The following GDI2 variants were observed in gnomAD, a reference collection of about 807,000 sequenced individuals.
The protein encoded by GDI2 is GDP dissociation inhibitor 2.
GDI2 carries 22 observed loss-of-function variants against 54.2 expected under a neutral mutation model. The observed-to-expected ratio is 0.41, with a 90% CI of 0.29 to 0.58. GDI2 has a LOEUF of 0.58. Ranked by LOEUF, GDI2 falls within the 20% of genes least tolerant of loss-of-function variation. The pLI, the probability that GDI2 is intolerant of heterozygous loss-of-function variation, is 0.35. For synonymous variants in GDI2, 177 were observed against 182.1 expected, an observed-to-expected ratio of 0.97 and a Z score of 0.23; for missense variants, 422 against 546.0, an observed-to-expected ratio of 0.77 and a Z score of 2.26.
intron 6 of GDI2, among the ~76,000 whole-genome samples, chr10:5,782,004 C>T (rs1454229396): frequency 6.6e-6 from 1 of 152,058 alleles, no homozygotes; most frequent in African/African-American, 2.4e-5. Context: ...CAGAGCAAGA[C>T]TCTATCTCAA....
intron 1 of GDI2, chr10:5,811,932 TAA>T (rs764247676): frequency 1.8e-6 from 2 of 1,117,288 alleles, no homozygotes; most frequent in South Asian, 2.9e-5. Flanking sequence ...TAGAGACATC[TAA>T]AAGTGTTATT....
intron 6 of GDI2, among the ~76,000 whole-genome samples, chr10:5,775,116 T>C (rs932295173): frequency 2.0e-5 from 3 of 152,176 alleles, no homozygotes; most frequent in Admixed American, 6.6e-5. Context: ...GCTGAAACCC[T>C]GTTTCTACAA....
chr10:5,789,761 C>A (rs1840969131), intron 4 of GDI2, among the ~76,000 whole-genome samples: 1 of 152,156 alleles, frequency 6.6e-6, no homozygotes, highest in Non-Finnish European at 1.5e-5. Context: ...AACTTAGGCA[C>A]ACAAACACAG....
At chr10:5,793,089 G>A (rs1450030664) in intron 4 of GDI2, among the ~76,000 whole-genome samples, 2 of 152,162 alleles carry the variant, frequency 1.3e-5, no homozygotes, top group African/African-American at 2.4e-5. Flanking sequence ...TGATTTCCTG[G>A]ACTCAAGCGA....
intron 1 of GDI2, among the ~76,000 whole-genome samples, chr10:5,812,206 A>T (rs116353105): frequency 0.33 from 44,472 of 133,858 alleles, 7,251 homozygotes; most frequent in Non-Finnish European, 0.38. Flanking sequence ...TGAACATTTA[A>T]AAAAAAAAAA....
At chr10:5,785,315 T>C in intron 5 of GDI2, 42 bp from the exon 6 acceptor site, 3 of 1,393,392 alleles carry the variant, frequency 2.2e-6, no homozygotes, top group Non-Finnish European at 3.0e-6. Context: ...GCTTTAGTTT[T>C]CATTCATGGT....
chr10:5,799,453 A>G (rs1588985471), intron 2 of GDI2, among the ~76,000 whole-genome samples: 1 of 152,138 alleles, frequency 6.6e-6, no homozygotes, highest in Non-Finnish European at 1.5e-5. Context: ...GGGGTTCCAG[A>G]CCAGCCTGGC....
chr10:5,785,576 A>G lies in GDI2; in HGVS notation c.587+276T>C, dbSNP rs1449083794. ...TTTTTAGTAGAGAGGGGGTTTCACCATGTTGGCCAGGCTGGTCTTGAACTC... is the reference window on the plus strand; with the variant it reads ...TTTTTAGTAGAGAGGGGGTTTCACCGTGTTGGCCAGGCTGGTCTTGAACTC... On this transcript the variant is annotated intron_variant, in intron 5 of 10. Transcript: ENST00000380191. 5.9e-5 allele frequency among the ~76,000 whole-genome samples: 9 copies of G among 152,090 alleles called. No individual in the cohort carries two copies. The East Asian group carries it at 1.4e-3, about 23-fold the overall frequency.
intron 4 of GDI2, among the ~76,000 whole-genome samples, chr10:5,792,904 A>G (rs1286514630): frequency 1.3e-5 from 2 of 151,368 alleles, no homozygotes; most frequent in African/African-American, 2.4e-5. Flanking sequence ...AAGCTTTAAT[A>G]TAAGTAAGAG....
chr10:5,782,235 CAT>C (rs1491100530), intron 6 of GDI2, among the ~76,000 whole-genome samples: 4 of 152,116 alleles, frequency 2.6e-5, no homozygotes, highest in Non-Finnish European at 4.4e-5. Flanking sequence ...AGGTGAGCAA[CAT>C]GAGTCAAGAA....
chr10:5,770,963 CA>C (rs59686031), intron 7 of GDI2, among the ~76,000 whole-genome samples: 10,824 of 46,372 alleles, frequency 0.23, 90 homozygotes, highest in Non-Finnish European at 0.26. Context: ...GAGACTGTCT[CA>C]AAAAAAAAAA....
At position 5,776,308 on chromosome 10, in the gene GDI2, G is replaced by A; in HGVS notation, c.720-2367C>T. On this transcript the variant is annotated intron_variant, in intron 6 of 10. Transcript: ENST00000380191. This position sits in a 1 kb window ranked among gnomAD's most constrained non-coding sequence, Gnocchi z 5.3. ...AGACTGAAAGCCCAGCAGAACATAG[G>A]ATGTAGCTGCCCATCTCACAAACCC... is the stretch of plus-strand genomic sequence containing the variant. 1 of 599,844 alleles carries A rather than the reference G, an allele frequency of 1.7e-6. No individual in the cohort carries two copies. 37.2% of individuals were successfully genotyped at this position (599,844 alleles called of 1,614,324 possible). A position where few individuals can be genotyped will look rare whatever the true frequency, so the allele number is the denominator to read the frequency against.
At chr10:5,799,292 G>C (rs182018462) in intron 2 of GDI2, among the ~76,000 whole-genome samples, 2 of 152,206 alleles carry the variant, frequency 1.3e-5, no homozygotes. Flanking sequence ...AGCTACGATC[G>C]CACTGCTGCA....
intron 3 of GDI2, among the ~76,000 whole-genome samples, chr10:5,796,126 G>A (rs1174676818): frequency 6.6e-6 from 1 of 151,958 alleles, no homozygotes; most frequent in Non-Finnish European, 1.5e-5. Flanking sequence ...GAGGCGAGCA[G>A]GTCACTTGAT....
At chr10:5,784,899 T>C (rs546207961) in intron 6 of GDI2, among the ~76,000 whole-genome samples, 17 of 152,354 alleles carry the variant, frequency 1.1e-4, no homozygotes, top group African/African-American at 4.1e-4. Flanking sequence ...GGTTTTGTAT[T>C]GGCTGGCCTC....
chr10:5,768,398 T>C lies in GDI2; in HGVS notation c.820-14A>G. 2 of 1,578,394 alleles carry C rather than the reference T, an allele frequency of 1.3e-6. No homozygotes were observed. Among genetic ancestry groups the C allele is most frequent in the South Asian group, 1.1e-5 (1 of 90,282 alleles). ...ACAGCGAGCAATCTATAACAAAGCA[T>C]TTAAGAAGACACTGAAGCGGACAAG... On this transcript the variant is annotated splice_polypyrimidine_tract_variant and intron_variant, in intron 7 of 10. Coordinates refer to ENST00000380191, the MANE Select transcript of GDI2 (RefSeq NM_001494.4). The surrounding 1 kb of genome is among the most constrained non-coding windows in gnomAD (Gnocchi z 4.4).
Position 5,766,463 on chromosome 10 carries a change from A to C in GDI2, c.1136+31T>G. 1.2e-6 allele frequency: 2 copies of C among 1,611,680 alleles called. No individual in the cohort carries two copies. Among genetic ancestry groups the C allele is most frequent in the Non-Finnish European group, 8.5e-7 (1 of 1,178,906 alleles). ...GCCACAATCAAAGGCCTCAGTTTGC[A>C]TCTCGGCAGATATAAAAGAACACAA... On this transcript the variant is annotated intron_variant, in intron 9 of 10. Coordinates refer to ENST00000380191, the MANE Select transcript of GDI2 (RefSeq NM_001494.4). The surrounding 1 kb of genome is among the most constrained non-coding windows in gnomAD (Gnocchi z 5.8).
In GDI2 at chr10:5,785,251, C is replaced by T; in HGVS notation, c.610G>A (p.Glu204Lys). ...TAAAGTTTAATTCTATTAATGGTTTCATAACACGGTTGATCTAAGTAACTG... is the reference window on the plus strand; with the variant it reads ...TAAAGTTTAATTCTATTAATGGTTTTATAACACGGTTGATCTAAGTAACTG... ...TDDYLDQPCY[E>K]TINRIKLYSE... Residue 204 changes from glutamate (E) to lysine (K), a missense_variant, in exon 6 of 11, where the codon GAA (glutamate) becomes AAA (lysine). Coordinates refer to ENST00000380191, the MANE Select transcript of GDI2 (RefSeq NM_001494.4). The T allele has an allele frequency of 1.2e-6, 2 of 1,602,152 alleles. No homozygotes were observed. Among genetic ancestry groups the T allele is most frequent in the South Asian group, 2.2e-5 (2 of 90,462 alleles).
At chr10:5,802,857 G>A (rs1014200328) in intron 1 of GDI2, among the ~76,000 whole-genome samples, 1 of 152,144 alleles carries the variant, frequency 6.6e-6, no homozygotes, top group Non-Finnish European at 1.5e-5. Context: ...CTAGATCAGT[G>A]GGTGTTAATA....
Sources: gnomAD v4.1 joint callset for allele counts (sites outside exome capture counted in the v4.1 genomes callset) on GRCh38, gnomAD v4.1.1 for gene constraint, Gnocchi (gnomAD v3.1) non-coding constraint, MANE v1.5 for transcripts, NCBI Gene and HGNC (gene_info 2026-07-23, HGNC 2026-07-21) for gene names.